The following IKBKB variants were observed in gnomAD, a reference collection of about 807,000 sequenced individuals.
The protein encoded by IKBKB is inhibitor of nuclear factor kappa-B kinase subunit beta.
IKBKB carries 42 observed loss-of-function variants against 113.6 expected under a neutral mutation model. The ratio of observed to expected loss-of-function variants is 0.37; its 90% confidence interval spans 0.29 to 0.48. The LOEUF (loss-of-function observed/expected upper bound fraction) is 0.48, where lower values mean the gene tolerates loss of function less well. IKBKB is among the 20% of genes least tolerant of loss of function. The pLI is 0.99. For synonymous variants in IKBKB, 296 were observed against 361.3 expected (o/e 0.82, Z 2.05); for missense variants, 673 against 939.7 (o/e 0.72, Z 3.71).
chr8:42,329,819 G>C (rs1821456572), intron 21 of IKBKB: 1 of 985,290 alleles, frequency 1.0e-6, no homozygotes, highest in Admixed American at 6.1e-5. Flanking sequence ...GGTACATTAA[G>C]ACAAAGCTTC....
At chr8:42,309,826 A>G (rs1261728351) in intron 8 of IKBKB, 1 of 152,152 alleles carries the variant, frequency 6.6e-6, no homozygotes, top group East Asian at 1.9e-4. Context: ...TTACACAAAA[A>G]TTTTTCCAGT....
At chr8:42,305,941 C>T (rs764042662) in intron 6 of IKBKB, among the ~76,000 whole-genome samples, 25 of 152,252 alleles carry the variant, frequency 1.6e-4, no homozygotes, top group Non-Finnish European at 3.1e-4. Flanking sequence ...CCACAGGGCT[C>T]GCCCTTGTTC....
chr8:42,317,297 C>A (rs577540866), intron 11 of IKBKB: 1 of 421,806 alleles, frequency 2.4e-6, no homozygotes, highest in Admixed American at 3.7e-5. Context: ...GGGTTAGGCA[C>A]CTGTGTTAAC....
In IKBKB at chr8:42,276,930, G is replaced by C. The variant is rs1004018433; in HGVS notation, c.105+4725G>C. Among the ~76,000 whole-genome samples the C allele has an allele frequency of 2.8e-5, 4 of 141,788 alleles. No homozygotes were observed. The East Asian group carries it at 6.4e-4, about 23-fold the overall frequency. The allele number at this position is 141,788 out of a possible 152,430, so 93.0% of individuals were successfully genotyped here. The stretch of plus-strand genomic sequence containing the variant: ...CGCCCAAGCTGGAGTGCAGTGGTGT[G>C]ATCTCGGGTCACTGCAAGCTCCGCC... On this transcript the variant is annotated intron_variant, in intron 2 of 21. Transcript: ENST00000520810.
rs73622143 is a variant in IKBKB, at chr8:42,292,962, C to G, written c.319-481C>G. On this transcript the variant is annotated intron_variant, in intron 4 of 21. Coordinates refer to ENST00000520810, the MANE Select transcript of IKBKB (RefSeq NM_001556.3). ...CTTTGCTGAGCTAATCTGTGCAGAG[C>G]TCTTCCGGCCCCTGGCACGTAGTAA... 4.6e-3 allele frequency among the ~76,000 whole-genome samples: 701 copies of G among 152,310 alleles called. 8 individuals carry two copies. Among genetic ancestry groups the G allele is most frequent in the African/African-American group, 0.016 (676 of 41,568 alleles).
chr8:42,331,696 G>GCTC lies in IKBKB; in HGVS notation c.*717_*718insCTC. ...TCCTTTCTGCCAAGAGCGACTCATA[G>GCTC]TAACCAGGATGGGAGAGCAGCTGCC... On this transcript the variant is annotated 3_prime_UTR_variant, in exon 22 of 22. Transcript: ENST00000520810. 2.2e-6 allele frequency: 1 copy of GCTC among 457,976 alleles called. No homozygotes were observed. Among genetic ancestry groups the GCTC allele is most frequent in the South Asian group, 2.2e-5 (1 of 45,042 alleles). 28.4% of individuals were successfully genotyped at this position (457,976 alleles called of 1,614,324 possible). A position where few individuals can be genotyped will look rare whatever the true frequency, so the allele number is the denominator to read the frequency against.
chr8:42,319,005 C>T (rs187999371), intron 13 of IKBKB: 2 of 558,240 alleles, frequency 3.6e-6, no homozygotes, highest in Admixed American at 3.2e-5. Flanking sequence ...GACTTACGGA[C>T]TCTTTCCTCA....
intron 2 of IKBKB, among the ~76,000 whole-genome samples, chr8:42,282,574 G>T (rs928975536): frequency 1.3e-5 from 2 of 152,134 alleles, no homozygotes; most frequent in Admixed American, 1.3e-4. Context: ...CTGAGATGGC[G>T]CAGGCCTAGT....
chr8:42,316,907 G>A lies in IKBKB; in HGVS notation c.1125+3G>A. 1 of 1,613,748 alleles carries A rather than the reference G, an allele frequency of 6.2e-7. No homozygotes were observed. The highest frequency in any genetic ancestry group is 8.5e-7 in the Non-Finnish European group (1 of 1,179,860). ...CTCAGTGTATTTCAGACGGCAAGGT[G>A]AGCCCTGGCTTCGTACACACCATCC... On this transcript the variant is annotated splice_donor_region_variant and intron_variant, in intron 11 of 21. Transcript: ENST00000520810. This position sits in a 1 kb window ranked among gnomAD's most constrained non-coding sequence, Gnocchi z 4.5.
Position 42,290,283 on chromosome 8 carries a change from C to A in IKBKB, c.318+10C>A. 6.3e-7 allele frequency: 1 copy of A among 1,579,438 alleles called. No individual in the cohort carries two copies. The highest frequency in any genetic ancestry group is 8.7e-7 in the Non-Finnish European group (1 of 1,149,460). The stretch of plus-strand genomic sequence containing the variant: ...AGGAGATCTCCGGAAGGTGAGGCTC[C>A]CACGGCTGCCAGGTGCACAGCCTGT... On this transcript the variant is annotated intron_variant, in intron 4 of 21. Coordinates refer to ENST00000520810, the MANE Select transcript of IKBKB (RefSeq NM_001556.3).
Position 42,316,144 on chromosome 8 carries a change from G to A in IKBKB, c.801-66G>A. 6.4e-7 allele frequency: 1 copy of A among 1,572,760 alleles called. No homozygotes were observed. Among genetic ancestry groups the A allele is most frequent in the Non-Finnish European group, 8.7e-7 (1 of 1,150,726 alleles). ...TGGCTGCCGTCTGTGTGTATACTGGGAGACGCACACTGTAGCCCAACATTG... is the reference window on the plus strand; with the variant it reads ...TGGCTGCCGTCTGTGTGTATACTGGAAGACGCACACTGTAGCCCAACATTG... On this transcript the variant is annotated intron_variant, in intron 9 of 21. Transcript: ENST00000520810. This position sits in a 1 kb window ranked among gnomAD's most constrained non-coding sequence, Gnocchi z 4.5.
chr8:42,298,111 G>A (rs535878686), intron 5 of IKBKB: 3 of 985,296 alleles, frequency 3.0e-6, no homozygotes, highest in Non-Finnish European at 3.6e-6. Context: ...AAACAGTCTT[G>A]CTCATTATCC....
At chr8:42,275,034 G>A (rs987138106) in intron 2 of IKBKB, among the ~76,000 whole-genome samples, 3 of 150,184 alleles carry the variant, frequency 2.0e-5, no homozygotes, top group Non-Finnish European at 4.4e-5. Flanking sequence ...GCACCACCAC[G>A]CCTGGCTAAT....
At chr8:42,304,622 TCTC>T (rs1315375571) in intron 5 of IKBKB, among the ~76,000 whole-genome samples, 1 of 152,194 alleles carries the variant, frequency 6.6e-6, no homozygotes, top group African/African-American at 2.4e-5. Context: ...GTGTCCCTGT[TCTC>T]CTCTTCTGCC....
chr8:42,277,283 A>G (rs1015408966), intron 2 of IKBKB, among the ~76,000 whole-genome samples: 1 of 148,792 alleles, frequency 6.7e-6, no homozygotes, highest in Non-Finnish European at 1.5e-5. Flanking sequence ...CCTGTGTTCA[A>G]GCGATTCTCC....
chr8:42,309,159 T>C, intron 8 of IKBKB, 134 bp downstream of exon 8: 1 of 995,406 alleles, frequency 1.0e-6, no homozygotes. Context: ...GGAAGGCCTG[T>C]CAGGACCTAG....
At chr8:42,279,782 G>A (rs1410967042) in intron 2 of IKBKB, among the ~76,000 whole-genome samples, 1 of 152,150 alleles carries the variant, frequency 6.6e-6, no homozygotes. Flanking sequence ...TGTTCCTTAG[G>A]CTCTCATTGT....
At chr8:42,318,263 A>C (rs1819067503) in intron 12 of IKBKB, among the ~76,000 whole-genome samples, 2 of 131,916 alleles carry the variant, frequency 1.5e-5, no homozygotes, top group South Asian at 4.5e-4. Context: ...ACCTTGTCTC[A>C]AAAAAAAAAA....
intron 2 of IKBKB, among the ~76,000 whole-genome samples, chr8:42,272,848 G>A (rs1808084520): frequency 6.7e-6 from 1 of 149,928 alleles, no homozygotes; most frequent in South Asian, 2.1e-4. Context: ...GCTGAGGCAG[G>A]AGAATCGCTT....
Sources: gnomAD v4.1 joint callset for allele counts (sites outside exome capture counted in the v4.1 genomes callset) on GRCh38, gnomAD v4.1.1 for gene constraint, Gnocchi (gnomAD v3.1) non-coding constraint, MANE v1.5 for transcripts, NCBI Gene and HGNC (gene_info 2026-07-23, HGNC 2026-07-21) for gene names.